TF: variants seen among roughly 807,000 people sequenced by gnomAD.
The protein encoded by TF is transferrin, also known as serotransferrin.
In TF, 55 loss-of-function variants were observed where a neutral mutation model predicts 82.4. The observed-to-expected ratio is 0.67, with a 90% confidence interval of 0.54 to 0.84. The LOEUF (loss-of-function observed/expected upper bound fraction) is 0.84. Among genes scored for constraint, TF ranks in the 40% least tolerant of loss-of-function variants. The probability of loss-of-function intolerance (pLI) is 0.00; values close to 1 mark genes in which losing one functional copy is unlikely to be tolerated. For synonymous variants in TF, 332 were observed against 332.6 expected, an observed-to-expected ratio of 1.00 and a Z score of 0.02; for missense variants, 737 against 868.4, an observed-to-expected ratio of 0.85 and a Z score of 1.90.
chr3:133,665,935 CAA>C, the TF span, among the ~76,000 whole-genome samples: 4 of 52,062 alleles, frequency 7.7e-5, no homozygotes, highest in South Asian at 8.1e-4. Flanking sequence ...AACTCCATCT[CAA>C]AAAAAAAAAA....
chr3:133,772,865 G>T (rs765249414), intron 14 of TF: 21 of 152,176 alleles, frequency 1.4e-4, no homozygotes, highest in Non-Finnish European at 2.6e-4. Flanking sequence ...CTAAATGTAA[G>T]TCACATCATG....
the TF span, among the ~76,000 whole-genome samples, chr3:133,704,630 G>A: frequency 2.6e-5 from 4 of 152,162 alleles, no homozygotes; most frequent in Non-Finnish European, 5.9e-5. Context: ...TCAGGAAAAT[G>A]GGTCTGATGG....
At chr3:133,701,485 A>G in the TF span, among the ~76,000 whole-genome samples, 3 of 152,048 alleles carry the variant, frequency 2.0e-5, no homozygotes, top group African/African-American at 7.2e-5. Context: ...ACCAGTAGGT[A>G]TTTGCATCTA....
At chr3:133,716,997 C>G in the TF span, among the ~76,000 whole-genome samples, 1 of 152,210 alleles carries the variant, frequency 6.6e-6, no homozygotes, top group Non-Finnish European at 1.5e-5. Flanking sequence ...TTTCTCAGGG[C>G]AGACTTTCCT....
the TF span, chr3:133,699,421 C>T: frequency 8.4e-7 from 1 of 1,187,294 alleles, no homozygotes. Context: ...CTGCGTTAGG[C>T]TCACCTGGGC....
intron 2 of TF, among the ~76,000 whole-genome samples, chr3:133,751,453 G>C (rs535568231): frequency 6.6e-6 from 1 of 151,842 alleles, no homozygotes; most frequent in Non-Finnish European, 1.5e-5. Context: ...GTATGGTCTC[G>C]ATCTCCTGAC....
At chr3:133,689,383 G>C in the TF span, among the ~76,000 whole-genome samples, 1 of 151,954 alleles carries the variant, frequency 6.6e-6, no homozygotes, top group Non-Finnish European at 1.5e-5. Flanking sequence ...TCTGTAACAA[G>C]TGAATAATAT....
At chr3:133,770,234 C>T (rs1198298739) in intron 13 of TF, among the ~76,000 whole-genome samples, 2 of 152,184 alleles carry the variant, frequency 1.3e-5, no homozygotes, top group Admixed American at 1.3e-4. Flanking sequence ...CAATTCCCTA[C>T]TATCCTTGTT....
At chr3:133,739,486 G>A in the TF span, among the ~76,000 whole-genome samples, 1 of 152,148 alleles carries the variant, frequency 6.6e-6, no homozygotes, top group Non-Finnish European at 1.5e-5. Flanking sequence ...AAAATAAAGA[G>A]CTTCTGCACA....
the TF span, among the ~76,000 whole-genome samples, chr3:133,674,704 C>G: frequency 6.6e-6 from 1 of 151,110 alleles, no homozygotes; most frequent in Non-Finnish European, 1.5e-5. Context: ...CGGGGAGGCA[C>G]TGGGTGCAAG....
chr3:133,676,350 C>T, the TF span, among the ~76,000 whole-genome samples: 6 of 152,198 alleles, frequency 3.9e-5, no homozygotes, highest in African/African-American at 1.4e-4. Flanking sequence ...TAAAAATCTG[C>T]ACATAAATGC....
At position 133,795,139 on chromosome 3, in the gene TF, G is replaced by A. The variant is rs1934933722; in HGVS notation, c.*16519G>A. ...CTCATGGCCTATGGAGAAAACATCA[G>A]GTATTATAGAGATTCAGTTGTAGCA... On this transcript the variant is annotated 3_prime_UTR_variant, in exon 17 of 17. Coordinates refer to ENST00000402696, the MANE Select transcript of TF (RefSeq NM_001063.4). 6.6e-6 allele frequency: 1 copy of A among 152,192 alleles called. No homozygotes were observed. Among genetic ancestry groups the A allele is most frequent in the Non-Finnish European group, 1.5e-5 (1 of 68,040 alleles). 9.4% of individuals were successfully genotyped at this position (152,192 alleles called of 1,614,324 possible).
chr3:133,775,129 T>C, intron 14 of TF: 1 of 440,646 alleles, frequency 2.3e-6, no homozygotes, highest in Non-Finnish European at 4.2e-6. Context: ...ACAGAAGGAA[T>C]TGGAATTTAG....
the TF span, among the ~76,000 whole-genome samples, chr3:133,677,744 T>G: frequency 6.6e-6 from 1 of 152,054 alleles, no homozygotes; most frequent in Admixed American, 6.6e-5. Flanking sequence ...AGTGCAGTGG[T>G]GTGATCATAG....
intron 16 of TF, chr3:133,777,857 T>A (rs777541030): frequency 3.8e-5 from 6 of 157,936 alleles, no homozygotes; most frequent in Non-Finnish European, 7.0e-5. Flanking sequence ...AACACATCTT[T>A]GCAGTATAAC....
At chr3:133,700,631 C>T in the TF span, among the ~76,000 whole-genome samples, 1 of 152,148 alleles carries the variant, frequency 6.6e-6, no homozygotes, top group Non-Finnish European at 1.5e-5. Flanking sequence ...AGCCTCAGCC[C>T]ACAGTGGAAA....
intron 5 of TF, 89 bp downstream of exon 5, chr3:133,755,584 C>CT: frequency 6.4e-7 from 1 of 1,574,798 alleles, no homozygotes; most frequent in Non-Finnish European, 8.6e-7. Flanking sequence ...CCGAGCCCTG[C>CT]CTGCCTACAG....
chr3:133,759,067 T>C, intron 8 of TF, 108 bp from the exon 9 acceptor site: 1 of 1,413,768 alleles, frequency 7.1e-7, no homozygotes, highest in African/African-American at 1.4e-5. Context: ...GTCTGTTTGT[T>C]TATTGCTGGC....
rs1934611643 is a variant in TF at position 133,784,659 on chromosome 3, ACT to A, written c.*6042_*6043del. 1 of 151,726 alleles carries A rather than the reference ACT, an allele frequency of 6.6e-6. No homozygotes were observed. Among genetic ancestry groups the A allele is most frequent in the East Asian group, 1.9e-4 (1 of 5,156 alleles). The allele number at this position is 151,726 out of a possible 1,614,324, so 9.4% of individuals were successfully genotyped here. ...ATCTAGGTTGCACGCTCCTTATGAG[ACT>A]CTAATAATGCCTGATGATCTGAGGT... On this transcript the variant is annotated 3_prime_UTR_variant, in exon 17 of 17. Transcript: ENST00000402696.
Sources: gnomAD v4.1 joint callset for allele counts (sites outside exome capture counted in the v4.1 genomes callset) on GRCh38, gnomAD v4.1.1 for gene constraint, MANE v1.5 for transcripts, NCBI Gene and HGNC (gene_info 2026-07-23, HGNC 2026-07-21) for gene names.